The following SLC5A10 variants were observed in gnomAD, a reference collection of about 807,000 sequenced individuals.
The protein encoded by SLC5A10 is sodium/mannose cotransporter SLC5A10.
In SLC5A10, 55 loss-of-function variants were observed where a neutral mutation model predicts 68.9. The ratio of observed to expected loss-of-function variants is 0.80; its 90% CI spans 0.64 to 1.00. The LOEUF (loss-of-function observed/expected upper bound fraction) is 1.00, where lower values mean the gene tolerates loss of function less well. Ranked by LOEUF, SLC5A10 falls within the 50% of genes least tolerant of loss-of-function variation. The pLI is 0.00. For missense variants in SLC5A10, 732 were observed against 819.3 expected (o/e 0.89, Z 1.30); for synonymous variants, 344 against 344.8 (o/e 1.00, Z 0.02).
chr17:18,977,889 G>C, intron 9 of SLC5A10: 2 of 1,610,824 alleles, frequency 1.2e-6, no homozygotes, highest in Non-Finnish European at 1.7e-6. Flanking sequence ...TGGCTGTCCT[G>C]GTCACTGAGG....
At chr17:18,990,951 C>G (rs1305066120) in intron 9 of SLC5A10, among the ~76,000 whole-genome samples, 2 of 152,208 alleles carry the variant, frequency 1.3e-5, no homozygotes, top group Non-Finnish European at 2.9e-5. Context: ...AGGGCCCTGT[C>G]CCACCCAGAG....
At chr17:18,972,383 T>C (rs1219038562) in intron 8 of SLC5A10, among the ~76,000 whole-genome samples, 1 of 152,216 alleles carries the variant, frequency 6.6e-6, no homozygotes, top group East Asian at 1.9e-4. Context: ...CTTTCCCACG[T>C]GGCCTACCCT....
chr17:18,952,114 T>A, upstream of SLC5A10: 1 of 1,509,510 alleles, frequency 6.6e-7, no homozygotes, highest in African/African-American at 1.4e-5. Context: ...CTTGGTTTAA[T>A]GATCAATGAG....
At chr17:18,994,597 C>A (rs1178652153) in intron 9 of SLC5A10, among the ~76,000 whole-genome samples, 2 of 152,202 alleles carry the variant, frequency 1.3e-5, no homozygotes, top group Non-Finnish European at 2.9e-5. Context: ...GTGGCTGGAA[C>A]AATTGCTGGT....
intron 9 of SLC5A10, among the ~76,000 whole-genome samples, chr17:18,992,875 C>CAG: frequency 6.6e-6 from 1 of 152,132 alleles, no homozygotes; most frequent in East Asian, 1.9e-4. Context: ...TGCTGGTGGC[C>CAG]GCCCTCTCCC....
chr17:18,977,963 A>G, intron 9 of SLC5A10: 1 of 1,596,572 alleles, frequency 6.3e-7, no homozygotes, highest in Non-Finnish European at 8.5e-7. Flanking sequence ...CCCCACCCCG[A>G]GGCTCTCGGG....
At chr17:19,007,010 A>G (rs1053555980) in intron 9 of SLC5A10, among the ~76,000 whole-genome samples, 1 of 152,230 alleles carries the variant, frequency 6.6e-6, no homozygotes, top group African/African-American at 2.4e-5. Flanking sequence ...ACATATGTAT[A>G]TAAACATCAG....
At position 19,019,711 on chromosome 17, in the gene SLC5A10, A is replaced by G. The variant is rs1381354675; in HGVS notation, c.1411-2A>G. On this transcript the variant is annotated splice_acceptor_variant, in intron 12 of 14. Transcript: ENST00000395645. LOFTEE classifies it high-confidence loss of function. ...CACATGCCCTGCCTCCCTCCTCCCC[A>G]GGGGGCCTTCTGGGGCCTGATAGCA... 7 of 1,608,838 alleles carry G rather than the reference A, an allele frequency of 4.4e-6. No homozygotes were observed. Among genetic ancestry groups the G allele is most frequent in the Non-Finnish European group, 5.9e-6 (7 of 1,179,356 alleles).
chr17:18,952,697 G>C lies in SLC5A10; in HGVS notation c.111+381G>C, dbSNP rs145950819. Among the ~76,000 whole-genome samples the C allele has an allele frequency of 4.5e-4, 68 of 152,192 alleles. No individual in the cohort carries two copies. In the East Asian group the frequency reaches 0.012, roughly 26 times the overall value. On this transcript the variant is annotated intron_variant, in intron 1 of 14. Coordinates refer to ENST00000395645, the MANE Select transcript of SLC5A10 (RefSeq NM_001042450.4). ...CCCGGGATTCCCTGGCTGCACCCCA[G>C]AGCTGCTGGATCAGAATCCGGAGGC...
chr17:18,970,021 A>T (rs941960486), intron 7 of SLC5A10: 2 of 152,358 alleles, frequency 1.3e-5, no homozygotes, highest in African/African-American at 4.8e-5. Flanking sequence ...AGACTCTTCC[A>T]GACTCAGACA....
Position 19,019,545 on chromosome 17 carries a change from C to A in SLC5A10, c.1364C>A (p.Thr455Asn). 1.2e-6 allele frequency: 2 copies of A among 1,612,414 alleles called. No homozygotes were observed. The highest frequency in any genetic ancestry group is 2.2e-5 in the South Asian group (2 of 91,086). Residue 455 changes from threonine (T) to asparagine (N), a missense_variant, in exon 12 of 15, where the codon ACT becomes AAT. Physicochemically the swap from Thr to Asn is moderately conservative, Grantham distance 65. Coordinates refer to ENST00000395645, the MANE Select transcript of SLC5A10 (RefSeq NM_001042450.4). ...ACCAGCTCCCTGGCCCCACCAGTGA[C>A]TGCAGTCTTTGTCCTGGGCGTCTTC... ...SVTSSLAPPV[T>N]AVFVLGVFWR... is the part of the protein sequence containing the mutation.
At position 19,017,345 on chromosome 17, in the gene SLC5A10, A is replaced by C. The variant is rs552486485; in HGVS notation, c.1242-2078A>C. The C allele has an allele frequency of 8.3e-5, 129 of 1,551,884 alleles. No individual in the cohort carries two copies. The South Asian group carries it at 1.5e-3, about 17-fold the overall frequency. ...CCGTCTCAGCTTCCTCCTGCCCGAAACACCACCATTGGAGCGGTATCTCCT... is the reference window on the plus strand; with the variant it reads ...CCGTCTCAGCTTCCTCCTGCCCGAACCACCACCATTGGAGCGGTATCTCCT... On this transcript the variant is annotated intron_variant, in intron 11 of 14. Transcript: ENST00000395645. This position sits in a 1 kb window ranked among gnomAD's most constrained non-coding sequence, Gnocchi z 5.6.
chr17:18,962,726 AG>A (rs1465618155), intron 5 of SLC5A10, among the ~76,000 whole-genome samples: 1 of 152,070 alleles, frequency 6.6e-6, no homozygotes, highest in Non-Finnish European at 1.5e-5. Flanking sequence ...AATCTTCCAG[AG>A]GGTGGACTGG....
chr17:18,988,422 CAAG>C lies in SLC5A10; in HGVS notation c.982+11438_982+11440del, dbSNP rs1342544276. Reference sequence around the variant, plus strand: ...CATGACCACAGCTATCACCTGGGAGCAAGAAGAGAGACTAGGGCCTGTCAGACA... The same window carrying C: ...CATGACCACAGCTATCACCTGGGAGCAAGAGAGACTAGGGCCTGTCAGACA... On this transcript the variant is annotated intron_variant, in intron 9 of 14. Transcript: ENST00000395645. 5.0e-6 allele frequency: 8 copies of C among 1,613,430 alleles called. No individual in the cohort carries two copies. In the East Asian group the frequency reaches 8.9e-5, roughly 18 times the overall value.
chr17:19,010,898 G>A (rs1383212151), intron 9 of SLC5A10, among the ~76,000 whole-genome samples: 1 of 152,210 alleles, frequency 6.6e-6, no homozygotes, highest in Non-Finnish European at 1.5e-5. Flanking sequence ...AGAGGTGGTA[G>A]GGTAGGGCAG....
rs755743397 is a variant in SLC5A10 at position 19,003,820 on chromosome 17, G to A, written c.983-9590G>A. 6.2e-7 allele frequency: 1 copy of A among 1,612,892 alleles called. No individual in the cohort carries two copies. The highest frequency in any genetic ancestry group is 1.7e-5 in the Admixed American group (1 of 60,026). On this transcript the variant is annotated intron_variant, in intron 9 of 14. Coordinates refer to ENST00000395645, the MANE Select transcript of SLC5A10 (RefSeq NM_001042450.4). The surrounding 1 kb of genome is among the most constrained non-coding windows in gnomAD (Gnocchi z 4.5). Reference sequence around the variant, plus strand: ...CCCGAGGGTCCTCAGAGCCCGGGTCGTACACCTCGATGGTCTCCAGGATGC... The same window carrying A: ...CCCGAGGGTCCTCAGAGCCCGGGTCATACACCTCGATGGTCTCCAGGATGC...
intron 8 of SLC5A10, among the ~76,000 whole-genome samples, chr17:18,975,026 G>T (rs1597841564): frequency 6.6e-6 from 1 of 152,198 alleles, no homozygotes; most frequent in African/African-American, 2.4e-5. Context: ...TCTACTTGGG[G>T]TGACAGCACC....
chr17:19,010,105 C>T (rs1325530223), intron 9 of SLC5A10, among the ~76,000 whole-genome samples: 2 of 152,124 alleles, frequency 1.3e-5, no homozygotes, highest in African/African-American at 4.8e-5. Flanking sequence ...GATACCCCGG[C>T]AGCGGCTGGA....
intron 9 of SLC5A10, among the ~76,000 whole-genome samples, chr17:18,998,932 C>T (rs113861956): frequency 1.7e-4 from 26 of 152,298 alleles, no homozygotes; most frequent in African/African-American, 5.5e-4. Context: ...TGTGAGTCCC[C>T]GTCCCAGCCC....
Sources: gnomAD v4.1 joint callset for allele counts (sites outside exome capture counted in the v4.1 genomes callset) on GRCh38, gnomAD v4.1.1 for gene constraint, Gnocchi (gnomAD v3.1) non-coding constraint, MANE v1.5 for transcripts, NCBI Gene and HGNC (gene_info 2026-07-23, HGNC 2026-07-21) for gene names.